The following ZDHHC9 variants were observed in gnomAD, a reference collection of about 807,000 sequenced individuals.
The protein encoded by ZDHHC9 is zDHHC palmitoyltransferase 9.
A neutral mutation model predicts 26.6 loss-of-function variants in ZDHHC9; 3 were observed. The observed-to-expected ratio is 0.11, with a 90% CI of 0.05 to 0.29. The LOEUF is 0.29. ZDHHC9 is among the 10% of genes least tolerant of loss of function. The pLI is 1.00. For missense variants in ZDHHC9, 146 were observed against 296.4 expected (o/e 0.49, Z 3.73); for synonymous variants, 111 against 109.4 (o/e 1.01, Z -0.09).
intron 3 of ZDHHC9, among the ~76,000 whole-genome samples, chrX:129,840,339 A>T (rs1432990013): frequency 9.0e-6 from 1 of 111,268 alleles, no homozygotes; most frequent in Non-Finnish European, 1.9e-5. Context: ...TAAAGAACAG[A>T]TGTCAGCTTT....
At chrX:129,826,051 C>A (rs770233075) in intron 4 of ZDHHC9, among the ~76,000 whole-genome samples, 1 of 112,044 alleles carries the variant, frequency 8.9e-6, no homozygotes, top group Non-Finnish European at 1.9e-5. Flanking sequence ...CAGTATAATT[C>A]TAAAAACAGA....
At chrX:129,837,962 T>C (rs1928296079) in intron 3 of ZDHHC9, among the ~76,000 whole-genome samples, 1 of 112,248 alleles carries the variant, frequency 8.9e-6, no homozygotes, top group Admixed American at 9.5e-5. Flanking sequence ...TGCTACAGTG[T>C]CCTAACACTT....
At chrX:129,813,428 C>G (rs907597230) in intron 7 of ZDHHC9, among the ~76,000 whole-genome samples, 1 of 112,207 alleles carries the variant, frequency 8.9e-6, no homozygotes, top group Non-Finnish European at 1.9e-5. Flanking sequence ...TTATAGAAAT[C>G]TCATCTGAAC....
chrX:129,813,194 C>T (rs1185138395), intron 7 of ZDHHC9, among the ~76,000 whole-genome samples: 1 of 111,661 alleles, frequency 9.0e-6, no homozygotes, highest in Non-Finnish European at 1.9e-5. Context: ...GTCAGGAGTT[C>T]GAGAACAGCC....
intron 5 of ZDHHC9, among the ~76,000 whole-genome samples, chrX:129,822,220 T>C (rs892303283): frequency 9.0e-6 from 1 of 111,273 alleles, no homozygotes; most frequent in African/African-American, 3.3e-5. Context: ...TCACCAATGA[T>C]AGACCGGATA....
intron 5 of ZDHHC9, among the ~76,000 whole-genome samples, chrX:129,822,590 C>T (rs1927915865): frequency 9.0e-6 from 1 of 110,720 alleles, no homozygotes; most frequent in African/African-American, 3.3e-5. Flanking sequence ...ACATTCTGCA[C>T]ACGTATCCCA....
chrX:129,814,023 C>G (rs1927704323), intron 6 of ZDHHC9, among the ~76,000 whole-genome samples: 1 of 112,050 alleles, frequency 8.9e-6, no homozygotes, highest in Non-Finnish European at 1.9e-5. Context: ...GGGATATTAA[C>G]AGATAAAAGA....
Position 129,811,439 on chromosome X carries a change from C to A in ZDHHC9, c.848G>T (p.Cys283Phe). 1 of 1,210,947 alleles carries A rather than the reference C, an allele frequency of 8.3e-7. No individual in the cohort carries two copies. Among genetic ancestry groups the A allele is most frequent in the Non-Finnish European group, 1.1e-6 (1 of 895,132 alleles). The change falls in exon 9 of 11, where the codon TGC (cysteine) becomes TTC (phenylalanine). Residue 283 changes from cysteine to phenylalanine, a missense_variant. Cys to Phe is a radical substitution (Grantham distance 205). Coordinates refer to ENST00000357166, the MANE Select transcript of ZDHHC9 (RefSeq NM_016032.4). ...CAAGGGGCCACACAGCACTTCACAG[C>A]AGTTCTTCACAATATTGCCATGGCT... ...PYSHGNIVKN[C>F]CEVLCGPLPP...
intron 5 of ZDHHC9, among the ~76,000 whole-genome samples, chrX:129,821,175 C>T (rs941878947): frequency 1.8e-5 from 2 of 111,649 alleles, no homozygotes; most frequent in Non-Finnish European, 3.8e-5. Flanking sequence ...AATAGGAACG[C>T]TATTGTTGTT....
rs756323204 is a variant in ZDHHC9, at chrX:129,818,469, C to T, written c.488-3674G>A. 1.2e-4 allele frequency among the ~76,000 whole-genome samples: 14 copies of T among 112,320 alleles called. No individual in the cohort carries two copies. The South Asian group carries it at 1.8e-3, about 15-fold the overall frequency. On this transcript the variant is annotated intron_variant, in intron 5 of 10. Transcript: ENST00000357166. ...CAGCAGCTGCATGATTTTACATTCTCACCAGAAATGTATGAAGGTTCCAAT... is the reference window on the plus strand; with the variant it reads ...CAGCAGCTGCATGATTTTACATTCTTACCAGAAATGTATGAAGGTTCCAAT...
chrX:129,814,812 G>C lies in ZDHHC9; in HGVS notation c.488-17C>G, dbSNP rs367846813. 5.8e-6 allele frequency: 7 copies of C among 1,210,863 alleles called. No individual in the cohort carries two copies. The highest frequency in any genetic ancestry group is 7.8e-6 in the Non-Finnish European group (7 of 894,950). The stretch of plus-strand genomic sequence containing the variant: ...CGAAGCGCTCTGTGGGAGAAAGAGA[G>C]AGTCCAAAGCCAAAAGCCTCCAGAA... On this transcript the variant is annotated splice_polypyrimidine_tract_variant and intron_variant, in intron 5 of 10. Transcript: ENST00000357166.
At chrX:129,815,320 A>G (rs376190745) in intron 5 of ZDHHC9, among the ~76,000 whole-genome samples, 1 of 112,429 alleles carries the variant, frequency 8.9e-6, no homozygotes, top group East Asian at 2.7e-4. Context: ...ATTATTCCAT[A>G]AACAATTACG....
chrX:129,815,167 C>A lies in ZDHHC9; in HGVS notation c.488-372G>T, dbSNP rs372353683. Among the ~76,000 whole-genome samples the A allele has an allele frequency of 4.5e-4, 50 of 110,755 alleles. 1 individual carries two copies. Among genetic ancestry groups the A allele is most frequent in the East Asian group, 4.2e-3 (15 of 3,540 alleles). On this transcript the variant is annotated intron_variant, in intron 5 of 10. Transcript: ENST00000357166. The stretch of plus-strand genomic sequence containing the variant: ...AGAAGAATAAACAGGTCAAAATAGC[C>A]AAGGAAAAATGTAAAACTACAATAT...
At chrX:129,813,628 A>G in intron 7 of ZDHHC9, 49 bp downstream of exon 7, 2 of 1,154,997 alleles carry the variant, frequency 1.7e-6, no homozygotes, top group Non-Finnish European at 2.4e-6. Context: ...AGCATGCTGG[A>G]AAGTAGCTTA....
rs188937335 is a variant in ZDHHC9 at position 129,812,245 on chromosome X, G to A, written c.777+473C>T. Reference sequence around the variant, plus strand: ...ACTACAGGTGCACACTAACACATCCGGCTATATTTTTGTATTTTTAGTAGA... The same window carrying A: ...ACTACAGGTGCACACTAACACATCCAGCTATATTTTTGTATTTTTAGTAGA... On this transcript the variant is annotated intron_variant, in intron 8 of 10. Coordinates refer to ENST00000357166, the MANE Select transcript of ZDHHC9 (RefSeq NM_016032.4). 4.5e-5 allele frequency among the ~76,000 whole-genome samples: 5 copies of A among 111,414 alleles called. No homozygotes were observed. The East Asian group carries it at 8.5e-4, about 19-fold the overall frequency.
At chrX:129,819,294 T>C (rs1927831318) in intron 5 of ZDHHC9, among the ~76,000 whole-genome samples, 1 of 110,718 alleles carries the variant, frequency 9.0e-6, no homozygotes, top group African/African-American at 3.3e-5. Flanking sequence ...AAGCTACATC[T>C]TTTCAGGAAA....
chrX:129,806,015 A>T lies in ZDHHC9; in HGVS notation c.*355T>A, dbSNP rs1200359115. The T allele has an allele frequency of 4.2e-6, 1 of 235,796 alleles. No homozygotes were observed. Among genetic ancestry groups the T allele is most frequent in the East Asian group, 1.0e-4 (1 of 9,574 alleles). The allele number at this position is 235,796 out of a possible 1,213,427, so 19.4% of individuals were successfully genotyped here. A position where few individuals can be genotyped will look rare whatever the true frequency, so the allele number is the denominator to read the frequency against. On this transcript the variant is annotated 3_prime_UTR_variant, in exon 11 of 11. Coordinates refer to ENST00000357166, the MANE Select transcript of ZDHHC9 (RefSeq NM_016032.4). ...GGGAGGATTTGAGCCAGTCTCAAAAACTTTTAGCCCCAGAATGAGACCAGT... is the reference window on the plus strand; with the variant it reads ...GGGAGGATTTGAGCCAGTCTCAAAATCTTTTAGCCCCAGAATGAGACCAGT...
chrX:129,827,229 AGAAAGGAAG>A (rs1394303889), intron 4 of ZDHHC9, among the ~76,000 whole-genome samples: 175 of 94,872 alleles, frequency 1.8e-3, no homozygotes, highest in African/African-American at 6.7e-3. Flanking sequence ...ATAAAAAAGA[AGAAAGGAAG>A]GAAAGGAAGG....
intron 4 of ZDHHC9, among the ~76,000 whole-genome samples, chrX:129,828,134 G>A (rs1286771012): frequency 8.9e-6 from 1 of 111,970 alleles, no homozygotes; most frequent in African/African-American, 3.2e-5. Flanking sequence ...GGAATTCTTG[G>A]TTGGGGGGGA....
Sources: gnomAD v4.1 joint callset for allele counts (sites outside exome capture counted in the v4.1 genomes callset) on GRCh38, gnomAD v4.1.1 for gene constraint, MANE v1.5 for transcripts, NCBI Gene and HGNC (gene_info 2026-07-23, HGNC 2026-07-21) for gene names.